CNTNAP2: variants seen among roughly 807,000 people sequenced by gnomAD.
CNTNAP2 encodes the protein contactin-associated protein-like 2.
In CNTNAP2, 98 loss-of-function variants were observed where a neutral mutation model predicts 155.2. The ratio of observed to expected loss-of-function variants is 0.63; its 90% CI spans 0.54 to 0.75. CNTNAP2 has a LOEUF of 0.75. Among genes scored for constraint, CNTNAP2 ranks in the 30% least tolerant of loss-of-function variants. The probability of loss-of-function intolerance (pLI) is 0.00; values close to 1 mark genes in which losing one functional copy is unlikely to be tolerated. For missense variants in CNTNAP2, 1,727 were observed against 1,688.1 expected, an observed-to-expected ratio of 1.02 and a Z score of -0.40; for synonymous variants, 651 against 631.2, an observed-to-expected ratio of 1.03 and a Z score of -0.47.
chr7:146,880,560 T>C (rs561877489), intron 3 of CNTNAP2, among the ~76,000 whole-genome samples: 7 of 152,176 alleles, frequency 4.6e-5, no homozygotes, highest in Non-Finnish European at 8.8e-5. Context: ...AACAGTGGAG[T>C]TGAAATATGA....
intron 3 of CNTNAP2, among the ~76,000 whole-genome samples, chr7:146,903,750 A>G (rs1033629375): frequency 5.9e-5 from 9 of 152,188 alleles, no homozygotes; most frequent in Non-Finnish European, 1.2e-4. Context: ...ATATTAATCA[A>G]AGGTTACAAA....
chr7:147,018,473 G>A (rs1328025576), intron 3 of CNTNAP2, among the ~76,000 whole-genome samples: 2 of 151,964 alleles, frequency 1.3e-5, no homozygotes, highest in Non-Finnish European at 2.9e-5. Context: ...GGTCTTAACT[G>A]GATGACTGGT....
chr7:146,680,296 A>G (rs1386865247), intron 1 of CNTNAP2, among the ~76,000 whole-genome samples: 2 of 152,182 alleles, frequency 1.3e-5, no homozygotes. Flanking sequence ...AAACAAAACA[A>G]AAACTCCAGA....
At chr7:148,335,501 G>A (rs1304805910) in intron 21 of CNTNAP2, among the ~76,000 whole-genome samples, 1 of 152,186 alleles carries the variant, frequency 6.6e-6, no homozygotes, top group African/African-American at 2.4e-5. Flanking sequence ...ACACCTAGCA[G>A]AGACAAGAGA....
chr7:146,662,142 C>CT (rs776516522), intron 1 of CNTNAP2, among the ~76,000 whole-genome samples: 1,643 of 144,120 alleles, frequency 0.011, 41 homozygotes, highest in African/African-American at 0.035. Flanking sequence ...GTTTTCTCTC[C>CT]TTTTTTTTTT....
intron 10 of CNTNAP2, among the ~76,000 whole-genome samples, chr7:147,413,366 C>T (rs1271061032): frequency 6.6e-6 from 1 of 152,154 alleles, no homozygotes; most frequent in East Asian, 1.9e-4. Flanking sequence ...CCTAAGACAA[C>T]ACTCTCTAAA....
intron 1 of CNTNAP2, among the ~76,000 whole-genome samples, chr7:146,639,535 A>G (rs77855699): frequency 0.033 from 5,078 of 152,268 alleles, 136 homozygotes; most frequent in South Asian, 0.042. Flanking sequence ...TGTAAAATAT[A>G]TTTTCTTACC....
At chr7:146,617,012 G>GTTTTTTTT (rs201217951) in intron 1 of CNTNAP2, among the ~76,000 whole-genome samples, 26 of 87,072 alleles carry the variant, frequency 3.0e-4, no homozygotes, top group African/African-American at 1.4e-3. Context: ...CAGGAAACCT[G>GTTTTTTTT]GTTTTTTTGT....
Position 148,173,238 on chromosome 7 carries a change from T to A in CNTNAP2, c.3010+760T>A, listed in dbSNP as rs571529363. Among the ~76,000 whole-genome samples, 348 of 152,356 alleles carry A rather than the reference T, an allele frequency of 2.3e-3. 3 individuals carry two copies. The highest frequency in any genetic ancestry group is 0.017 in the Middle Eastern group (5 of 294). ...GAAGAAGAAATTGACTCAACTGGTC[T>A]GTGGCTTAATTTCCCATATATAAAT... On this transcript the variant is annotated intron_variant, in intron 18 of 23. Transcript: ENST00000361727.
chr7:147,976,307 A>C (rs1005132662), intron 14 of CNTNAP2, among the ~76,000 whole-genome samples: 1 of 152,154 alleles, frequency 6.6e-6, no homozygotes, highest in African/African-American at 2.4e-5. Flanking sequence ...GCTGTTAGAG[A>C]GTGCTTTTAT....
chr7:146,850,707 C>T (rs372997343), intron 3 of CNTNAP2, among the ~76,000 whole-genome samples: 28 of 147,858 alleles, frequency 1.9e-4, no homozygotes, highest in African/African-American at 6.5e-4. Context: ...TGTATGAAAG[C>T]AAAAAAAAAT....
At chr7:146,812,429 G>GTATATATATATAAAAAATATA (rs1563241623) in intron 2 of CNTNAP2, among the ~76,000 whole-genome samples, 3 of 143,062 alleles carry the variant, frequency 2.1e-5, no homozygotes, top group Non-Finnish European at 3.0e-5. Context: ...TCTTTTATAT[G>GTATATATATATAAAAAATATA]TATATATATA....
intron 3 of CNTNAP2, among the ~76,000 whole-genome samples, chr7:146,919,999 G>T (rs1192924598): frequency 6.6e-6 from 1 of 152,138 alleles, no homozygotes; most frequent in African/African-American, 2.4e-5. Context: ...ATTCTGAGGA[G>T]ATGACAAACA....
intron 15 of CNTNAP2, among the ~76,000 whole-genome samples, chr7:148,053,117 A>G (rs1360116052): frequency 6.6e-6 from 1 of 152,214 alleles, no homozygotes; most frequent in Non-Finnish European, 1.5e-5. Flanking sequence ...ATAATGGTAT[A>G]ATTTTAATAA....
At chr7:147,368,096 TCACACACA>T (rs5888250) in intron 9 of CNTNAP2, among the ~76,000 whole-genome samples, 5,288 of 117,146 alleles carry the variant, frequency 0.045, 320 homozygotes, top group East Asian at 0.33. Context: ...TCTCTCTCTG[TCACACACA>T]CACACACACA....
rs935534039 is a variant in CNTNAP2, at chr7:147,622,891, A to G, written c.1898-16215A>G. Among the ~76,000 whole-genome samples, 3 of 152,052 alleles carry G rather than the reference A, an allele frequency of 2.0e-5. No homozygotes were observed. The South Asian group carries it at 6.2e-4, about 31-fold the overall frequency. On this transcript the variant is annotated intron_variant, in intron 12 of 23. Coordinates refer to ENST00000361727, the MANE Select transcript of CNTNAP2 (RefSeq NM_014141.6). Reference sequence around the variant, plus strand: ...GACAAGCCTTTAGCCAGACTAGGAAAAAAAGATCCAAATAAATAAAATTGG... The same window carrying G: ...GACAAGCCTTTAGCCAGACTAGGAAGAAAAGATCCAAATAAATAAAATTGG...
intron 18 of CNTNAP2, among the ~76,000 whole-genome samples, chr7:148,210,696 G>A (rs943271583): frequency 3.3e-5 from 5 of 152,214 alleles, no homozygotes; most frequent in Admixed American, 3.3e-4. Flanking sequence ...CCGGGCCTTT[G>A]GAGAGAATGG....
chr7:146,645,479 C>A (rs1276920234), intron 1 of CNTNAP2, among the ~76,000 whole-genome samples: 1 of 152,070 alleles, frequency 6.6e-6, no homozygotes, highest in African/African-American at 2.4e-5. Context: ...CCGTCATGTT[C>A]TATAATATGT....
intron 18 of CNTNAP2, among the ~76,000 whole-genome samples, chr7:148,202,444 A>G (rs1162340558): frequency 6.6e-6 from 1 of 152,216 alleles, no homozygotes; most frequent in Admixed American, 6.5e-5. Flanking sequence ...TTTTATGTGT[A>G]CGGAGACAGA....
Sources: allele counts gnomAD v4.1 joint callset (sites outside exome capture counted in the v4.1 genomes callset), GRCh38; gene constraint gnomAD v4.1.1; transcripts MANE v1.5; gene names NCBI Gene and HGNC (gene_info 2026-07-23, HGNC 2026-07-21).